Variants in TBXAS1 observed in about 807,000 individuals in gnomAD.
TBXAS1 encodes thromboxane A synthase 1.
A neutral mutation model predicts 60.7 loss-of-function variants in TBXAS1; 48 were observed. That is an observed-to-expected ratio of 0.79 (90% CI 0.63 to 1.01). The LOEUF (loss-of-function observed/expected upper bound fraction) is 1.01. Ranked by LOEUF, TBXAS1 falls within the 50% of genes least tolerant of loss-of-function variation. The probability of loss-of-function intolerance (pLI) is 0.00; values close to 1 mark genes in which losing one functional copy is unlikely to be tolerated. For synonymous variants in TBXAS1, 287 were observed against 269.7 expected, an observed-to-expected ratio of 1.06 and a Z score of -0.63; for missense variants, 685 against 686.3, an observed-to-expected ratio of 1.00 and a Z score of 0.02.
At chr7:139,898,830 T>TA (rs1414691111) in intron 3 of TBXAS1, among the ~76,000 whole-genome samples, 1 of 152,204 alleles carries the variant, frequency 6.6e-6, no homozygotes, top group Admixed American at 6.5e-5. Context: ...ACGGTCTCTT[T>TA]AATCATAGGA....
chr7:139,889,895 C>T (rs75234452), intron 3 of TBXAS1, among the ~76,000 whole-genome samples: 3,970 of 152,208 alleles, frequency 0.026, 161 homozygotes, highest in African/African-American at 0.091. Context: ...GGCAGAGCTG[C>T]TAAGGAGACA....
chr7:139,899,614 G>A (rs987005974), intron 3 of TBXAS1, among the ~76,000 whole-genome samples: 2 of 152,230 alleles, frequency 1.3e-5, no homozygotes, highest in Non-Finnish European at 2.9e-5. Flanking sequence ...ATAGCTAAAT[G>A]TAGATGAATA....
intron 4 of TBXAS1, among the ~76,000 whole-genome samples, chr7:139,799,286 G>A (rs12672851): frequency 0.092 from 13,880 of 150,530 alleles, 871 homozygotes; most frequent in Non-Finnish European, 0.14. Flanking sequence ...CTGGAGTGTA[G>A]TGGCACAATC....
intron 4 of TBXAS1, among the ~76,000 whole-genome samples, chr7:139,804,762 A>G (rs529668232): frequency 2.0e-5 from 3 of 152,274 alleles, no homozygotes; most frequent in East Asian, 1.9e-4. Context: ...ACCATGTAAG[A>G]CATGCCTTTG....
intron 1 of TBXAS1, among the ~76,000 whole-genome samples, chr7:139,849,262 C>T (rs974484393): frequency 6.6e-6 from 1 of 151,866 alleles, no homozygotes; most frequent in African/African-American, 2.4e-5. Flanking sequence ...ATCTGTGGTC[C>T]CAGCTACTCA....
intron 1 of TBXAS1, among the ~76,000 whole-genome samples, chr7:139,854,323 A>G (rs1332253697): frequency 6.6e-6 from 1 of 152,166 alleles, no homozygotes; most frequent in Non-Finnish European, 1.5e-5. Flanking sequence ...AGGGACAGAG[A>G]TGACTTACAG....
intron 3 of TBXAS1, among the ~76,000 whole-genome samples, chr7:139,891,940 C>A (rs538387936): frequency 5.7e-4 from 86 of 152,200 alleles, no homozygotes; most frequent in African/African-American, 2.0e-3. Context: ...TACTCTTTCC[C>A]CATCAGTGGC....
At chr7:139,992,580 A>G (rs1239973716) in intron 9 of TBXAS1, among the ~76,000 whole-genome samples, 1 of 152,232 alleles carries the variant, frequency 6.6e-6, no homozygotes, top group Non-Finnish European at 1.5e-5. Flanking sequence ...GGGCTGAAAT[A>G]GCATCAGGTG....
chr7:139,929,741 T>C (rs1429875163), intron 4 of TBXAS1, among the ~76,000 whole-genome samples: 1 of 152,188 alleles, frequency 6.6e-6, no homozygotes, highest in Non-Finnish European at 1.5e-5. Flanking sequence ...CAGGAAATCC[T>C]GTTGGCTCTA....
intron 9 of TBXAS1, among the ~76,000 whole-genome samples, chr7:139,977,134 T>C (rs1361103488): frequency 6.6e-6 from 1 of 152,060 alleles, no homozygotes; most frequent in East Asian, 1.9e-4. Context: ...GGTCATCTGG[T>C]CTATGCATCG....
intron 3 of TBXAS1, among the ~76,000 whole-genome samples, chr7:139,876,472 C>A (rs1802242706): frequency 6.6e-6 from 1 of 152,086 alleles, no homozygotes; most frequent in African/African-American, 2.4e-5. Flanking sequence ...TTTTCGTAGA[C>A]CTCTGGGTCA....
At chr7:139,816,772 G>T (rs1337378096) in intron 4 of TBXAS1, among the ~76,000 whole-genome samples, 2 of 152,150 alleles carry the variant, frequency 1.3e-5, no homozygotes, top group African/African-American at 4.8e-5. Flanking sequence ...TGAATCTCAG[G>T]ATGCTCCCAT....
In TBXAS1 at chr7:139,931,888, A is replaced by C. The variant is rs1188517795; in HGVS notation, c.334-4303A>C. On this transcript the variant is annotated intron_variant, in intron 4 of 12. Transcript: ENST00000448866. Reference sequence around the variant, plus strand: ...ATATGTGGACAAGCAGGAGGTGTGGAGGGGTCATGGAAGCTATTGTTTAAT... The same window carrying C: ...ATATGTGGACAAGCAGGAGGTGTGGCGGGGTCATGGAAGCTATTGTTTAAT... Among the ~76,000 whole-genome samples the C allele has an allele frequency of 5.3e-5, 8 of 152,134 alleles. No individual in the cohort carries two copies. The East Asian group carries it at 1.5e-3, about 29-fold the overall frequency.
At chr7:139,977,073 G>C (rs1383555351) in intron 9 of TBXAS1, among the ~76,000 whole-genome samples, 2 of 152,190 alleles carry the variant, frequency 1.3e-5, no homozygotes, top group Non-Finnish European at 2.9e-5. Context: ...ACATTCAGCA[G>C]ACAAGCCTGT....
chr7:139,871,477 T>C (rs1801820387), intron 1 of TBXAS1, among the ~76,000 whole-genome samples: 1 of 152,204 alleles, frequency 6.6e-6, no homozygotes, highest in African/African-American at 2.4e-5. Flanking sequence ...AGCTGTGTTA[T>C]CCCTCTGTTC....
intron 4 of TBXAS1, among the ~76,000 whole-genome samples, chr7:139,915,697 G>T (rs2117073222): frequency 6.6e-6 from 1 of 152,314 alleles, no homozygotes. Flanking sequence ...ATTCACTGGA[G>T]GTGGGGGTGA....
At chr7:139,885,624 A>C (rs1056439634) in intron 3 of TBXAS1, among the ~76,000 whole-genome samples, 13 of 152,252 alleles carry the variant, frequency 8.5e-5, no homozygotes, top group Non-Finnish European at 1.6e-4. Flanking sequence ...TCTAAAAAGA[A>C]GAAAGACAAG....
At chr7:139,930,340 C>A (rs1049558690) in intron 4 of TBXAS1, among the ~76,000 whole-genome samples, 1 of 152,214 alleles carries the variant, frequency 6.6e-6, no homozygotes, top group African/African-American at 2.4e-5. Flanking sequence ...GTATCCTCAG[C>A]ACCTAAATCA....
chr7:139,956,247 A>G (rs1177536652), intron 7 of TBXAS1, among the ~76,000 whole-genome samples: 4 of 152,098 alleles, frequency 2.6e-5, no homozygotes, highest in Admixed American at 6.5e-5. Flanking sequence ...CCTGGGTTCA[A>G]GCGATTCTCC....
Sources: allele counts gnomAD v4.1 joint callset (sites outside exome capture counted in the v4.1 genomes callset), GRCh38; gene constraint gnomAD v4.1.1; transcripts MANE v1.5; gene names NCBI Gene and HGNC (gene_info 2026-07-23, HGNC 2026-07-21).